Variants in MCTP1 observed in about 807,000 individuals in gnomAD.
MCTP1 encodes the protein multiple C2 and transmembrane domain containing 1.
Under a neutral mutation model 120.6 loss-of-function variants are expected in MCTP1, and 69 were observed. The ratio of observed to expected loss-of-function variants is 0.57; its 90% CI spans 0.47 to 0.70. MCTP1 has a LOEUF of 0.70. Ranked by LOEUF, MCTP1 falls within the 30% of genes least tolerant of loss-of-function variation. The pLI is 0.00. For missense variants in MCTP1, 1,203 were observed against 1,248.8 expected (o/e 0.96, Z 0.55); for synonymous variants, 529 against 493.1 (o/e 1.07, Z -0.96).
chr5:94,734,461 T>C (rs1763763027), intron 19 of MCTP1, among the ~76,000 whole-genome samples: 1 of 152,268 alleles, frequency 6.6e-6, no homozygotes, highest in Non-Finnish European at 1.5e-5. Context: ...ATGTGGTTAC[T>C]ATGTGTCAAA....
chr5:94,928,206 T>TAA (rs2055437765), intron 6 of MCTP1, among the ~76,000 whole-genome samples: 1 of 68,132 alleles, frequency 1.5e-5, no homozygotes, highest in Admixed American at 1.6e-4. Context: ...TATTCTAGGT[T>TAA]AAAACACACA....
chr5:94,963,356 T>TTATTA (rs887532747), intron 2 of MCTP1, among the ~76,000 whole-genome samples: 1 of 121,042 alleles, frequency 8.3e-6, no homozygotes, highest in Non-Finnish European at 1.6e-5. Context: ...GTAATTCTAT[T>TTATTA]TTTTTTTTTT....
chr5:95,172,989 A>T (rs1227305272), intron 1 of MCTP1, among the ~76,000 whole-genome samples: 1 of 152,152 alleles, frequency 6.6e-6, no homozygotes, highest in African/African-American at 2.4e-5. Flanking sequence ...TATTAATTTC[A>T]GCCTTTTTTT....
intron 2 of MCTP1, among the ~76,000 whole-genome samples, chr5:95,000,625 G>A (rs1833487010): frequency 1.3e-5 from 2 of 151,922 alleles, no homozygotes; most frequent in Admixed American, 1.3e-4. Context: ...AGGATATAAA[G>A]GTAAAATATT....
At chr5:95,091,676 T>C (rs1755854758) in intron 1 of MCTP1, among the ~76,000 whole-genome samples, 1 of 152,190 alleles carries the variant, frequency 6.6e-6, no homozygotes, top group Non-Finnish European at 1.5e-5. Flanking sequence ...CCCACAACTG[T>C]TTCAACTCTA....
At chr5:94,862,886 T>A (rs1796087780) in intron 17 of MCTP1, among the ~76,000 whole-genome samples, 1 of 151,852 alleles carries the variant, frequency 6.6e-6, no homozygotes, top group Non-Finnish European at 1.5e-5. Flanking sequence ...ATCTATTTAC[T>A]GAAAAGAAAA....
intron 19 of MCTP1, among the ~76,000 whole-genome samples, chr5:94,756,485 G>A (rs1769907437): frequency 6.6e-6 from 1 of 152,206 alleles, no homozygotes; most frequent in Admixed American, 6.5e-5. Context: ...TCAACGAGGT[G>A]TCATCTATAG....
At chr5:95,244,513 G>A (rs1330877610) in intron 1 of MCTP1, among the ~76,000 whole-genome samples, 3 of 152,242 alleles carry the variant, frequency 2.0e-5, no homozygotes, top group Non-Finnish European at 4.4e-5. Context: ...GCAACCGGCA[G>A]ACCAGGAGAT....
intron 1 of MCTP1, among the ~76,000 whole-genome samples, chr5:95,055,689 T>A (rs1396291615): frequency 1.3e-5 from 2 of 152,086 alleles, no homozygotes; most frequent in Non-Finnish European, 2.9e-5. Flanking sequence ...GTCTTTGGAG[T>A]CTAATGGATG....
At chr5:94,929,145 C>T (rs945443320) in intron 6 of MCTP1, among the ~76,000 whole-genome samples, 5 of 152,124 alleles carry the variant, frequency 3.3e-5, no homozygotes, top group African/African-American at 7.2e-5. Context: ...GAACAACAAC[C>T]GAGTCGATTT....
At chr5:95,003,075 G>T (rs777818626) in intron 2 of MCTP1, among the ~76,000 whole-genome samples, 1 of 151,996 alleles carries the variant, frequency 6.6e-6, no homozygotes, top group Non-Finnish European at 1.5e-5. Flanking sequence ...TCATTTTCTC[G>T]CCTGCCATCC....
At chr5:94,853,331 G>A (rs1794117719) in intron 17 of MCTP1, among the ~76,000 whole-genome samples, 1 of 151,950 alleles carries the variant, frequency 6.6e-6, no homozygotes, top group African/African-American at 2.4e-5. Context: ...GGACTCTCCT[G>A]TGTTCCAGAG....
At chr5:94,707,682 C>G in intron 22 of MCTP1, 115 bp from the exon 23 acceptor site, 1 of 737,230 alleles carries the variant, frequency 1.4e-6, no homozygotes, top group Admixed American at 2.3e-5. Context: ...ACTCTAGAAG[C>G]TGTATGGGAT....
chr5:95,134,920 G>A (rs1185148573), intron 1 of MCTP1, among the ~76,000 whole-genome samples: 3 of 130,304 alleles, frequency 2.3e-5, no homozygotes, highest in Non-Finnish European at 4.7e-5. Context: ...TCTCTGGAAA[G>A]CAATTGTGGT....
chr5:94,831,540 T>G (rs1393234372), intron 17 of MCTP1, among the ~76,000 whole-genome samples: 1 of 152,200 alleles, frequency 6.6e-6, no homozygotes, highest in Admixed American at 6.5e-5. Context: ...GAATGTACTT[T>G]AAGGACACAC....
intron 1 of MCTP1, among the ~76,000 whole-genome samples, chr5:95,030,087 G>A (rs1581925649): frequency 2.0e-5 from 3 of 152,322 alleles, no homozygotes; most frequent in Middle Eastern, 6.8e-3. Flanking sequence ...CCTCAGAGGG[G>A]TATATCCATG....
intron 1 of MCTP1, among the ~76,000 whole-genome samples, chr5:95,129,166 A>G (rs1385998078): frequency 1.6e-4 from 25 of 152,242 alleles, no homozygotes. Context: ...AACTTCATGC[A>G]AGGTTAAAGT....
At chr5:94,831,656 A>T (rs1788536622) in intron 17 of MCTP1, among the ~76,000 whole-genome samples, 1 of 152,200 alleles carries the variant, frequency 6.6e-6, no homozygotes. Context: ...AGGTGCTTAA[A>T]TAAGAATCCT....
intron 17 of MCTP1, chr5:94,867,535 A>C (rs1797055828): frequency 1.9e-6 from 1 of 522,832 alleles, no homozygotes; most frequent in South Asian, 3.0e-5. Flanking sequence ...ACTATAAGGA[A>C]GCATAAGGTA....
Sources: gnomAD v4.1 joint callset for allele counts (sites outside exome capture counted in the v4.1 genomes callset) on GRCh38, gnomAD v4.1.1 for gene constraint, MANE v1.5 for transcripts, NCBI Gene and HGNC (gene_info 2026-07-23, HGNC 2026-07-21) for gene names.